LRRC49: variants seen among roughly 807,000 people sequenced by gnomAD.
LRRC49 encodes the protein leucine rich repeat containing 49, also known as leucine-rich repeat-containing protein 49.
Under a neutral mutation model 83.3 loss-of-function variants are expected in LRRC49, and 50 were observed. The observed-to-expected ratio is 0.60, with a 90% CI of 0.48 to 0.76. The LOEUF (loss-of-function observed/expected upper bound fraction) is 0.76, where lower values mean the gene tolerates loss of function less well. Among genes scored for constraint, LRRC49 ranks in the 30% least tolerant of loss-of-function variants. The probability of loss-of-function intolerance (pLI) is 0.00; values close to 1 mark genes in which losing one functional copy is unlikely to be tolerated. For synonymous variants in LRRC49, 286 were observed against 283.3 expected (o/e 1.01, Z -0.10); for missense variants, 704 against 809.1 (o/e 0.87, Z 1.58).
chr15:70,939,136 G>A (rs1296106694), intron 8 of LRRC49, among the ~76,000 whole-genome samples: 1 of 152,154 alleles, frequency 6.6e-6, no homozygotes, highest in Non-Finnish European at 1.5e-5. Flanking sequence ...GTGAGATATA[G>A]CTTCTTATAT....
intron 1 of LRRC49, among the ~76,000 whole-genome samples, chr15:70,868,014 G>C (rs574542953): frequency 7.2e-4 from 108 of 150,608 alleles, no homozygotes; most frequent in African/African-American, 2.5e-3. Context: ...AGAGCAGAGT[G>C]TTTTTCCTTC....
intron 11 of LRRC49, among the ~76,000 whole-genome samples, chr15:71,007,709 G>GTGTATATATATATATATATA (rs964626080): frequency 5.8e-5 from 8 of 137,702 alleles, no homozygotes; most frequent in African/African-American, 2.2e-4. Context: ...TGAGAAGCAT[G>GTGTATATATATATATATATA]TATATATATA....
At chr15:70,980,646 T>C (rs1203291057) in intron 10 of LRRC49, among the ~76,000 whole-genome samples, 1 of 151,996 alleles carries the variant, frequency 6.6e-6, no homozygotes, top group Non-Finnish European at 1.5e-5. Flanking sequence ...TTTGTGGAAC[T>C]TAGGAATGAA....
chr15:71,011,564 T>C (rs1431175680), intron 13 of LRRC49, among the ~76,000 whole-genome samples: 3 of 152,164 alleles, frequency 2.0e-5, no homozygotes, highest in Admixed American at 2.0e-4. Context: ...GTTAGGTCCT[T>C]GACCTTAGAT....
chr15:70,882,205 TA>T (rs1357173890), intron 2 of LRRC49: 9 of 369,030 alleles, frequency 2.4e-5, no homozygotes, highest in Non-Finnish European at 3.9e-5. Flanking sequence ...TTTTGCTTTG[TA>T]ACCTGATTTC....
intron 11 of LRRC49, among the ~76,000 whole-genome samples, chr15:70,989,444 A>C (rs2037772570): frequency 6.6e-6 from 1 of 152,008 alleles, no homozygotes; most frequent in African/African-American, 2.4e-5. Flanking sequence ...AGGCTTCTGC[A>C]TTCTTCACGT....
chr15:70,973,700 G>C (rs1264071836), intron 9 of LRRC49, among the ~76,000 whole-genome samples: 1 of 152,198 alleles, frequency 6.6e-6, no homozygotes, highest in African/African-American at 2.4e-5. Context: ...GGAATCTAGA[G>C]AGGCAGTCAG....
chr15:70,994,729 C>T (rs2038019372), intron 11 of LRRC49, among the ~76,000 whole-genome samples: 1 of 152,174 alleles, frequency 6.6e-6, no homozygotes, highest in Non-Finnish European at 1.5e-5. Context: ...CCTGCCTTGA[C>T]CTCCCAAAGT....
At chr15:71,036,060 T>C (rs1051516876) in intron 14 of LRRC49, among the ~76,000 whole-genome samples, 3 of 152,212 alleles carry the variant, frequency 2.0e-5, no homozygotes, top group Non-Finnish European at 2.9e-5. Context: ...TGGTATCTCA[T>C]TGTGGTTTTG....
At chr15:70,953,475 A>T (rs962149800) in intron 8 of LRRC49, among the ~76,000 whole-genome samples, 4 of 152,212 alleles carry the variant, frequency 2.6e-5, no homozygotes, top group Middle Eastern at 3.2e-3. Context: ...CTTCTGGCTT[A>T]TAAGGTTTCT....
rs539305931 is a variant in LRRC49 at position 70,876,570 on chromosome 15, C to T, written c.18+3347C>T. Among the ~76,000 whole-genome samples, 6 of 152,274 alleles carry T rather than the reference C, an allele frequency of 3.9e-5. No individual in the cohort carries two copies. The East Asian group carries it at 1.2e-3, about 29-fold the overall frequency. ...TCATTTCTAAAATTGAAATCAGCACCTTTCTCCCGAGATTGGCTCCTTCTT... is the reference window on the plus strand; with the variant it reads ...TCATTTCTAAAATTGAAATCAGCACTTTTCTCCCGAGATTGGCTCCTTCTT... On this transcript the variant is annotated intron_variant, in intron 2 of 16. Transcript: ENST00000544974.
At chr15:70,954,289 C>A (rs931202461) in intron 8 of LRRC49, among the ~76,000 whole-genome samples, 10 of 152,154 alleles carry the variant, frequency 6.6e-5, no homozygotes, top group Non-Finnish European at 4.4e-5. Flanking sequence ...TCCAGAAGTT[C>A]AGTTTGGTCT....
chr15:71,048,751 T>A (rs2039932315), intron 15 of LRRC49: 1 of 454,090 alleles, frequency 2.2e-6, no homozygotes, highest in Non-Finnish European at 4.4e-6. Flanking sequence ...AAAATTCCTC[T>A]GTTGTGTTTA....
At chr15:70,859,904 G>A (rs1320802541) in intron 1 of LRRC49, 5 of 768,860 alleles carry the variant, frequency 6.5e-6, no homozygotes, top group African/African-American at 5.1e-5. Context: ...GCTGGAGGGT[G>A]AGGAGAGCCG....
chr15:70,859,864 G>T (rs764061649), intron 1 of LRRC49: 65 of 768,954 alleles, frequency 8.5e-5, no homozygotes, highest in Non-Finnish European at 1.5e-4. Flanking sequence ...AGCTGGCCTT[G>T]GGCATCAAAA....
At chr15:70,930,961 C>G (rs1169136539) in intron 7 of LRRC49, among the ~76,000 whole-genome samples, 1 of 152,170 alleles carries the variant, frequency 6.6e-6, no homozygotes, top group Non-Finnish European at 1.5e-5. Flanking sequence ...TTCAAACTTT[C>G]TTCCTATTGT....
At chr15:70,921,919 C>G (rs2035022266) in intron 7 of LRRC49, among the ~76,000 whole-genome samples, 1 of 152,152 alleles carries the variant, frequency 6.6e-6, no homozygotes, top group Non-Finnish European at 1.5e-5. Context: ...ATTTACCAAT[C>G]TTTGTTTTTG....
upstream of LRRC49, chr15:70,892,088 C>T (rs755072420): frequency 1.1e-5 from 18 of 1,613,866 alleles, no homozygotes; most frequent in African/African-American, 2.3e-4. Context: ...GACGTCAAAA[C>T]AGGCTGGGGC....
At chr15:70,928,784 C>T (rs763507217) in intron 7 of LRRC49, among the ~76,000 whole-genome samples, 1 of 152,078 alleles carries the variant, frequency 6.6e-6, no homozygotes, top group South Asian at 2.1e-4. Flanking sequence ...AGGCTGGTCT[C>T]GAACTCCTGA....
Sources: allele counts gnomAD v4.1 joint callset (sites outside exome capture counted in the v4.1 genomes callset), GRCh38; gene constraint gnomAD v4.1.1; transcripts MANE v1.5; gene names NCBI Gene and HGNC (gene_info 2026-07-23, HGNC 2026-07-21).